The following PLCB1 variants were observed in gnomAD, a reference collection of about 807,000 sequenced individuals.
PLCB1 encodes phospholipase C beta 1, also known as 1-phosphatidylinositol 4,5-bisphosphate phosphodiesterase beta-1.
Under a neutral mutation model 161.8 loss-of-function variants are expected in PLCB1, and 46 were observed. The ratio of observed to expected loss-of-function variants is 0.28; its 90% CI spans 0.22 to 0.36. The LOEUF (loss-of-function observed/expected upper bound fraction) is 0.36, where lower values mean the gene tolerates loss of function less well. PLCB1 is among the 10% of genes least tolerant of loss of function. The pLI is 1.00. For missense variants in PLCB1, 1,016 were observed against 1,472.5 expected, an observed-to-expected ratio of 0.69 and a Z score of 5.07; for synonymous variants, 517 against 503.7, an observed-to-expected ratio of 1.03 and a Z score of -0.35.
chr20:8,535,167 AG>A (rs1984995185), intron 3 of PLCB1, among the ~76,000 whole-genome samples: 1 of 139,002 alleles, frequency 7.2e-6, no homozygotes, highest in Non-Finnish European at 1.6e-5. Context: ...CCATTCTATT[AG>A]AGCATAGGTT....
At chr20:8,239,857 T>C (rs575146500) in intron 2 of PLCB1, among the ~76,000 whole-genome samples, 55 of 152,126 alleles carry the variant, frequency 3.6e-4, no homozygotes, top group African/African-American at 1.3e-3. Context: ...TTGATGTTGA[T>C]TTGGAGGCTG....
chr20:8,521,626 C>G (rs369245377), intron 3 of PLCB1, among the ~76,000 whole-genome samples: 3 of 152,132 alleles, frequency 2.0e-5, no homozygotes, highest in African/African-American at 7.2e-5. Flanking sequence ...ATCACTTAAG[C>G]TCAGGAAGTT....
At chr20:8,828,561 T>C (rs2146274009) in intron 31 of PLCB1, among the ~76,000 whole-genome samples, 1 of 152,334 alleles carries the variant, frequency 6.6e-6, no homozygotes, top group East Asian at 1.9e-4. Context: ...TATCTCTTAT[T>C]GGGACAGGCT....
chr20:8,349,501 A>G (rs1986111005), intron 2 of PLCB1, among the ~76,000 whole-genome samples: 1 of 152,224 alleles, frequency 6.6e-6, no homozygotes, highest in Non-Finnish European at 1.5e-5. Context: ...AAGAGTCCTT[A>G]CAGTTTGTCT....
chr20:8,486,803 A>G (rs1377596638), intron 3 of PLCB1, among the ~76,000 whole-genome samples: 1 of 151,974 alleles, frequency 6.6e-6, no homozygotes, highest in Non-Finnish European at 1.5e-5. Context: ...CCTCCAAAAT[A>G]TTTTCTTAAG....
At chr20:8,311,363 T>C (rs1281853934) in intron 2 of PLCB1, among the ~76,000 whole-genome samples, 1 of 152,242 alleles carries the variant, frequency 6.6e-6, no homozygotes, top group Non-Finnish European at 1.5e-5. Flanking sequence ...TTTATTCTGC[T>C]ATTTCAAATA....
chr20:8,750,210 C>A (rs931901030), intron 23 of PLCB1, among the ~76,000 whole-genome samples: 1 of 152,122 alleles, frequency 6.6e-6, no homozygotes, highest in African/African-American at 2.4e-5. Flanking sequence ...TTCACTTGAA[C>A]CCATGCTCCA....
intron 2 of PLCB1, among the ~76,000 whole-genome samples, chr20:8,239,123 G>A (rs1446279052): frequency 3.3e-5 from 5 of 151,922 alleles, no homozygotes; most frequent in East Asian, 3.9e-4. Flanking sequence ...TACCAGGACC[G>A]GGATGAGCCC....
chr20:8,219,061 C>A (rs750567568), intron 2 of PLCB1, among the ~76,000 whole-genome samples: 1 of 152,080 alleles, frequency 6.6e-6, no homozygotes, highest in Non-Finnish European at 1.5e-5. Flanking sequence ...TTCAGAATGT[C>A]ACTGATACAC....
chr20:8,335,857 T>C (rs1365454250), intron 2 of PLCB1, among the ~76,000 whole-genome samples: 24 of 152,194 alleles, frequency 1.6e-4, no homozygotes, highest in Admixed American at 1.6e-3. Flanking sequence ...CATTTTTAAA[T>C]GAAGAAGTTA....
intron 9 of PLCB1, among the ~76,000 whole-genome samples, chr20:8,678,825 G>A (rs574767429): frequency 2.6e-5 from 4 of 152,262 alleles, no homozygotes; most frequent in Non-Finnish European, 4.4e-5. Flanking sequence ...AAAATGAATT[G>A]CTTCTTTCAG....
chr20:8,852,117 CT>C (rs1197005295), intron 31 of PLCB1, among the ~76,000 whole-genome samples: 4 of 152,190 alleles, frequency 2.6e-5, no homozygotes, highest in African/African-American at 9.7e-5. Context: ...CAGTTCATTC[CT>C]GCTGCCAGGT....
chr20:8,690,934 A>T (rs1207927052), intron 10 of PLCB1, among the ~76,000 whole-genome samples: 1 of 152,234 alleles, frequency 6.6e-6, no homozygotes, highest in Non-Finnish European at 1.5e-5. Flanking sequence ...TTGCAAAGGC[A>T]GTCAAATCTA....
At chr20:8,144,296 T>C (rs1228142219) in intron 1 of PLCB1, among the ~76,000 whole-genome samples, 1 of 152,170 alleles carries the variant, frequency 6.6e-6, no homozygotes, top group Admixed American at 6.5e-5. Context: ...CAGGAGCACC[T>C]CGGTTGATTT....
At chr20:8,434,599 C>G (rs1271317128) in intron 3 of PLCB1, among the ~76,000 whole-genome samples, 1 of 152,078 alleles carries the variant, frequency 6.6e-6, no homozygotes, top group African/African-American at 2.4e-5. Context: ...ATCTGTATAC[C>G]AAACATTCTA....
chr20:8,550,306 C>T (rs985350161), intron 3 of PLCB1, among the ~76,000 whole-genome samples: 4 of 152,168 alleles, frequency 2.6e-5, no homozygotes, highest in Non-Finnish European at 5.9e-5. Context: ...TGTGTTCCCC[C>T]CACCCAAATC....
At chr20:8,273,055 C>T (rs1296695005) in intron 2 of PLCB1, among the ~76,000 whole-genome samples, 1 of 152,072 alleles carries the variant, frequency 6.6e-6, no homozygotes, top group Non-Finnish European at 1.5e-5. Context: ...TACCAATTCC[C>T]CAAATACAGA....
Position 8,494,825 on chromosome 20 carries a change from T to G in PLCB1, c.246+123375T>G, listed in dbSNP as rs944810496. Among the ~76,000 whole-genome samples, 7 of 152,334 alleles carry G rather than the reference T, an allele frequency of 4.6e-5. No individual in the cohort carries two copies. The East Asian group carries it at 7.7e-4, about 17-fold the overall frequency. On this transcript the variant is annotated intron_variant, in intron 3 of 31. Transcript: ENST00000338037. ...AGGGACTTCTTTGGCTTTTGGGTAG[T>G]AATTTAAGCTCCAAATTTCAGTTTC...
At chr20:8,280,815 A>AAGGCCTAGCCAGGGTAGC (rs1216966363) in intron 2 of PLCB1, among the ~76,000 whole-genome samples, 8 of 152,238 alleles carry the variant, frequency 5.3e-5, no homozygotes, top group Non-Finnish European at 1.0e-4. Flanking sequence ...CTGCTTGGCC[A>AAGGCCTAGCCAGGGTAGC]AGGCCTAGCC....
Sources: gnomAD v4.1 joint callset for allele counts (sites outside exome capture counted in the v4.1 genomes callset) on GRCh38, gnomAD v4.1.1 for gene constraint, MANE v1.5 for transcripts, NCBI Gene and HGNC (gene_info 2026-07-23, HGNC 2026-07-21) for gene names.